The following MAOB variants were observed in gnomAD, a reference collection of about 807,000 sequenced individuals.
MAOB encodes the protein monoamine oxidase B.
A neutral mutation model predicts 41.9 loss-of-function variants in MAOB; 15 were observed. The ratio of observed to expected loss-of-function variants is 0.36; its 90% CI spans 0.24 to 0.55. MAOB has a LOEUF of 0.55. MAOB is among the 20% of genes least tolerant of loss of function. The probability of loss-of-function intolerance (pLI) is 0.86; values close to 1 mark genes in which losing one functional copy is unlikely to be tolerated. For missense variants in MAOB, 345 were observed against 398.7 expected, an observed-to-expected ratio of 0.87 and a Z score of 1.15; for synonymous variants, 167 against 144.2, an observed-to-expected ratio of 1.16 and a Z score of -1.13.
intron 2 of MAOB, among the ~76,000 whole-genome samples, chrX:43,840,568 C>T (rs11091124): frequency 1.8e-5 from 2 of 111,460 alleles, no homozygotes; most frequent in East Asian, 5.7e-4. Flanking sequence ...CAGGTGATTT[C>T]TGCGTTTCCA....
chrX:43,861,856 CGTGT>C (rs112289658), intron 1 of MAOB, among the ~76,000 whole-genome samples: 72 of 103,137 alleles, frequency 7.0e-4, no homozygotes, highest in Middle Eastern at 5.1e-3. Flanking sequence ...CCAGCTGAAA[CGTGT>C]GTGTGTGTGT....
At chrX:43,768,357 T>C (rs893768985) in intron 14 of MAOB, among the ~76,000 whole-genome samples, 10 of 112,078 alleles carry the variant, frequency 8.9e-5, no homozygotes, top group African/African-American at 2.3e-4. Context: ...AGATATTTAT[T>C]TGACAGGCAT....
At chrX:43,842,289 C>A (rs908409458) in intron 2 of MAOB, among the ~76,000 whole-genome samples, 1 of 111,965 alleles carries the variant, frequency 8.9e-6, no homozygotes, top group African/African-American at 3.2e-5. Context: ...ATGCAAATGG[C>A]CAACAGGTTC....
chrX:43,774,042 C>T (rs752475975), intron 12 of MAOB, among the ~76,000 whole-genome samples: 3 of 111,893 alleles, frequency 2.7e-5, no homozygotes, highest in Non-Finnish European at 3.8e-5. Flanking sequence ...AAAGAAAGTG[C>T]TAACCAAAGT....
Position 43,781,500 on chromosome X carries a change from C to T in MAOB, c.973G>A (p.Ala325Thr). Residue 325 changes from alanine to threonine, a missense_variant, in exon 9 of 15, where the codon GCC becomes ACC. By Grantham distance (58) the Ala-to-Thr change is moderately conservative. Transcript: ENST00000378069. ...GGTTTGGTATCATCCAACGTGTAGGCAACTGGAGCTTCTTCTCCATCAATA... is the reference window on the plus strand; with the variant it reads ...GGTTTGGTATCATCCAACGTGTAGGTAACTGGAGCTTCTTCTCCATCAATA... ...MIIDGEEAPV[A>T]YTLDDTKPEG... The T allele has an allele frequency of 8.3e-7, 1 of 1,200,499 alleles. No homozygotes were observed. The highest frequency in any genetic ancestry group is 3.0e-5 in the East Asian group (1 of 33,475).
chrX:43,853,285 A>G lies in MAOB; in HGVS notation c.47-9521T>C, dbSNP rs4824563. Among the ~76,000 whole-genome samples, 742 of 107,840 alleles carry G rather than the reference A, an allele frequency of 6.9e-3. 25 individuals are homozygous for G. The highest frequency in any genetic ancestry group is 0.043 in the East Asian group (142 of 3,302). 93.6% of individuals were successfully genotyped at this position (107,840 alleles called of 115,157 possible). A position where few individuals can be genotyped will look rare whatever the true frequency, so the allele number is the denominator to read the frequency against. ...TCCGTCTCAAAAAAAAAAAAAAAAA[A>G]AAAAGAAAAGAAAACGATGAAATGA... is the stretch of plus-strand genomic sequence containing the variant. On this transcript the variant is annotated intron_variant, in intron 1 of 14. Coordinates refer to ENST00000378069, the MANE Select transcript of MAOB (RefSeq NM_000898.5).
chrX:43,784,218 C>G (rs992792256), intron 8 of MAOB, among the ~76,000 whole-genome samples: 3 of 112,532 alleles, frequency 2.7e-5, no homozygotes, highest in Admixed American at 9.4e-5. Flanking sequence ...GACATCCTTC[C>G]ATGAATCACG....
At chrX:43,872,425 TAAG>T (rs2035414329) in intron 1 of MAOB, among the ~76,000 whole-genome samples, 3 of 112,039 alleles carry the variant, frequency 2.7e-5, no homozygotes, top group South Asian at 7.5e-4. Flanking sequence ...TTGAAATGGC[TAAG>T]AAGTCCATTA....
chrX:43,874,096 G>C (rs1238279120), intron 1 of MAOB, among the ~76,000 whole-genome samples: 1 of 112,068 alleles, frequency 8.9e-6, no homozygotes, highest in Non-Finnish European at 1.9e-5. Context: ...TCTGTTTTTA[G>C]TTTTTTAAAG....
At chrX:43,852,004 C>T (rs1360546435) in intron 1 of MAOB, among the ~76,000 whole-genome samples, 1 of 111,725 alleles carries the variant, frequency 9.0e-6, no homozygotes, top group East Asian at 2.8e-4. Flanking sequence ...AATGAAAACA[C>T]CACCTGGTCA....
intron 8 of MAOB, among the ~76,000 whole-genome samples, chrX:43,791,644 C>G (rs2034463823): frequency 9.0e-6 from 1 of 110,734 alleles, no homozygotes. Flanking sequence ...GTAATCCCAG[C>G]TACTTGGGAG....
intron 3 of MAOB, among the ~76,000 whole-genome samples, chrX:43,806,996 A>G (rs1388179753): frequency 9.0e-6 from 1 of 111,464 alleles, no homozygotes; most frequent in Non-Finnish European, 1.9e-5. Context: ...CCCAAGCCCT[A>G]GGATCTGTCA....
At chrX:43,846,917 T>C (rs1200997900) in intron 1 of MAOB, among the ~76,000 whole-genome samples, 1 of 112,091 alleles carries the variant, frequency 8.9e-6, no homozygotes, top group East Asian at 2.8e-4. Flanking sequence ...TTGAGTGCAA[T>C]ACTATTGCAA....
chrX:43,805,720 C>G (rs2034654585), intron 3 of MAOB, among the ~76,000 whole-genome samples: 1 of 112,146 alleles, frequency 8.9e-6, no homozygotes, highest in Non-Finnish European at 1.9e-5. Context: ...GTGAACAAAA[C>G]TGCTATAAAC....
intron 3 of MAOB, among the ~76,000 whole-genome samples, chrX:43,810,976 A>C (rs2034739629): frequency 8.9e-6 from 1 of 112,316 alleles, no homozygotes; most frequent in Non-Finnish European, 1.9e-5. Flanking sequence ...AATTCCTAGC[A>C]TAAGAATTCC....
intron 1 of MAOB, among the ~76,000 whole-genome samples, chrX:43,846,854 C>T (rs1180561892): frequency 1.8e-5 from 2 of 111,132 alleles, no homozygotes; most frequent in Non-Finnish European, 3.8e-5. Flanking sequence ...TACATTTTGC[C>T]ATAGAAACAA....
At chrX:43,856,604 TAGAC>T (rs927805816) in intron 1 of MAOB, among the ~76,000 whole-genome samples, 4 of 112,086 alleles carry the variant, frequency 3.6e-5, no homozygotes, top group African/African-American at 1.3e-4. Context: ...ACTGATAACA[TAGAC>T]AGTCCATTAA....
intron 3 of MAOB, among the ~76,000 whole-genome samples, chrX:43,827,685 G>T (rs1238192429): frequency 9.0e-6 from 1 of 111,325 alleles, no homozygotes; most frequent in African/African-American, 3.3e-5. Flanking sequence ...AGAATGTGTA[G>T]CCACCCATCT....
chrX:43,781,473 C>T lies in MAOB; in HGVS notation c.1000G>A (p.Glu334Lys). 1 of 1,194,567 alleles carries T rather than the reference C, an allele frequency of 8.4e-7. No individual in the cohort carries two copies. Among genetic ancestry groups the T allele is most frequent in the Non-Finnish European group, 1.1e-6 (1 of 885,217 alleles). The change falls in exon 9 of 15, where the codon GAA (glutamate) becomes AAA (lysine). Residue 334 changes from glutamate to lysine, a missense_variant. By Grantham distance (56) the Glu-to-Lys change is moderately conservative (BLOSUM62 1). Coordinates refer to ENST00000378069, the MANE Select transcript of MAOB (RefSeq NM_000898.5). ...CCCATTATGGCAGCATAGTTGCCTT[C>T]AGGTTTGGTATCATCCAACGTGTAG... Reference protein sequence around the residue: ...VAYTLDDTKPEGNYAAIMGFI... With the variant: ...VAYTLDDTKPKGNYAAIMGFI...
Sources: gnomAD v4.1 joint callset for allele counts (sites outside exome capture counted in the v4.1 genomes callset) on GRCh38, gnomAD v4.1.1 for gene constraint, MANE v1.5 for transcripts, NCBI Gene and HGNC (gene_info 2026-07-23, HGNC 2026-07-21) for gene names.